Variants in MYO3B observed in about 807,000 individuals in gnomAD.
The protein encoded by MYO3B is myosin-IIIb.
A neutral mutation model predicts 174.6 loss-of-function variants in MYO3B; 156 were observed. The observed-to-expected ratio is 0.89, with a 90% CI of 0.78 to 1.02. MYO3B has a LOEUF of 1.02. Ranked by LOEUF, MYO3B falls within the 50% of genes least tolerant of loss-of-function variation. MYO3B has a pLI of 0.00. For missense variants in MYO3B, 1,632 were observed against 1,639.4 expected, an observed-to-expected ratio of 1.00 and a Z score of 0.08; for synonymous variants, 563 against 569.1, an observed-to-expected ratio of 0.99 and a Z score of 0.15.
chr2:170,565,094 T>C (rs1000802751), intron 32 of MYO3B, among the ~76,000 whole-genome samples: 5 of 152,198 alleles, frequency 3.3e-5, no homozygotes, highest in Admixed American at 1.3e-4. Flanking sequence ...CATGACTCCA[T>C]GCAAAAATGT....
In MYO3B at chr2:170,357,264, G is replaced by A. The variant is rs991486318; in HGVS notation, c.816-11958G>A. Among the ~76,000 whole-genome samples the A allele has an allele frequency of 1.4e-4, 21 of 150,146 alleles. No homozygotes were observed. The South Asian group carries it at 3.1e-3, about 22-fold the overall frequency. ...GGAGGTTGCAGTGAGCCAAGATCACGCCTTGCACTCCAGCCTGGGCAACAG... is the reference window on the plus strand; with the variant it reads ...GGAGGTTGCAGTGAGCCAAGATCACACCTTGCACTCCAGCCTGGGCAACAG... On this transcript the variant is annotated intron_variant, in intron 8 of 34. Coordinates refer to ENST00000408978, the MANE Select transcript of MYO3B (RefSeq NM_138995.5).
In MYO3B at chr2:170,236,127, A is replaced by C. The variant is rs777463647; in HGVS notation, c.740A>C (p.Lys247Thr). The change falls in exon 7 of 35, where the codon AAG becomes ACG. Residue 247 changes from lysine to threonine, a missense_variant. Transcript: ENST00000408978. ...ATGCATCCTGTGAAAACACTCTTTAAGATTCCAAGGTAAGACACAAGATGG... is the reference window on the plus strand; with the variant it reads ...ATGCATCCTGTGAAAACACTCTTTACGATTCCAAGGTAAGACACAAGATGG... ...FDMHPVKTLF[K>T]IPRNPPPTLL... 5 of 1,614,078 alleles carry C rather than the reference A, an allele frequency of 3.1e-6. No homozygotes were observed. The highest frequency in any genetic ancestry group is 3.3e-5 in the Admixed American group (2 of 60,008).
Position 170,652,114 on chromosome 2 carries a change from C to T in MYO3B, c.3847C>T (p.Leu1283=). Residue 1283 remains leucine, a synonymous_variant, in exon 34 of 35, where the codon CTA becomes TTA. Transcript: ENST00000408978. The stretch of plus-strand genomic sequence containing the variant: ...TTCTTGGCCCTCTCCACAGGGAACT[C>T]TAGAATATCAAGGGAGCAAGAGGAA... ...TMYYNQLNGT[L]EYQGSKRKPR... is the part of the protein sequence containing the mutation. The T allele has an allele frequency of 6.2e-7, 1 of 1,613,894 alleles. No homozygotes were observed. The highest frequency in any genetic ancestry group is 8.5e-7 in the Non-Finnish European group (1 of 1,179,958).
intron 28 of MYO3B, among the ~76,000 whole-genome samples, chr2:170,512,221 G>A (rs759807306): frequency 5.0e-5 from 6 of 120,250 alleles, no homozygotes; most frequent in African/African-American, 1.6e-4. Flanking sequence ...TTTCTTATAG[G>A]GCTGTAGAAA....
chr2:170,385,033 T>G (rs1019884004), intron 12 of MYO3B, among the ~76,000 whole-genome samples: 2 of 152,102 alleles, frequency 1.3e-5, no homozygotes, highest in African/African-American at 4.8e-5. Context: ...AGGAAAACAC[T>G]TTACTTACAT....
At chr2:170,381,978 G>T in intron 9 of MYO3B, 38 bp from the exon 10 acceptor site, 1 of 1,533,980 alleles carries the variant, frequency 6.5e-7, no homozygotes, top group Non-Finnish European at 9.0e-7. Context: ...TACATTATTT[G>T]CTGTCTTAAT....
At chr2:170,256,969 CA>C (rs2105342209) in intron 7 of MYO3B, among the ~76,000 whole-genome samples, 1 of 152,190 alleles carries the variant, frequency 6.6e-6, no homozygotes, top group East Asian at 1.9e-4. Flanking sequence ...TTAGATAAAA[CA>C]GACTTTAAAC....
chr2:170,404,516 A>G, intron 20 of MYO3B, 116 bp downstream of exon 20: 2 of 982,150 alleles, frequency 2.0e-6, no homozygotes, highest in Non-Finnish European at 2.9e-6. Flanking sequence ...GGTGGTTTGT[A>G]AGAATATAGG....
chr2:170,495,641 G>C (rs1553509151), intron 25 of MYO3B, among the ~76,000 whole-genome samples: 1 of 151,546 alleles, frequency 6.6e-6, no homozygotes, highest in Non-Finnish European at 1.5e-5. Flanking sequence ...TGGTGAACTG[G>C]AACATATCTT....
In MYO3B at chr2:170,219,992, C is replaced by T. The variant is rs372927234; in HGVS notation, c.603+2597C>T. ...AGGTGTTTGTGGCCGGGTGTGGTGG[C>T]TCATACCTGTAATCCCAGCACTTTG... On this transcript the variant is annotated intron_variant, in intron 6 of 34. Coordinates refer to ENST00000408978, the MANE Select transcript of MYO3B (RefSeq NM_138995.5). Among the ~76,000 whole-genome samples the T allele has an allele frequency of 2.3e-4, 35 of 152,310 alleles. No homozygotes were observed. The East Asian group carries it at 6.4e-3, about 28-fold the overall frequency.
At chr2:170,285,727 A>G (rs1001629145) in intron 7 of MYO3B, among the ~76,000 whole-genome samples, 1 of 151,904 alleles carries the variant, frequency 6.6e-6, no homozygotes. Context: ...TTTAATGTCA[A>G]ATTTCTCGAT....
At position 170,544,741 on chromosome 2, in the gene MYO3B, G is replaced by A. The variant is rs191268144; in HGVS notation, c.3733+753G>A. ...GGGAAATGCATAATAAATGTGTCAT[G>A]ACTTCAGTCTATATGGATCTTAAAC... On this transcript the variant is annotated intron_variant, in intron 32 of 34. Transcript: ENST00000408978. 3.0e-3 allele frequency among the ~76,000 whole-genome samples: 463 copies of A among 152,308 alleles called. 5 individuals carry two copies. Among genetic ancestry groups the A allele is most frequent in the Admixed American group, 0.028 (434 of 15,292 alleles).
chr2:170,347,134 G>C (rs2094022425), intron 8 of MYO3B, among the ~76,000 whole-genome samples: 1 of 152,196 alleles, frequency 6.6e-6, no homozygotes, highest in Non-Finnish European at 1.5e-5. Context: ...ATTTGGAGTT[G>C]TCTGTGTGAG....
chr2:170,265,232 A>AT (rs1489113107), intron 7 of MYO3B, among the ~76,000 whole-genome samples: 8 of 152,152 alleles, frequency 5.3e-5, no homozygotes, highest in African/African-American at 1.9e-4. Flanking sequence ...GCTCCTCTAG[A>AT]TTTTTAAGTC....
At chr2:170,288,184 A>G (rs1559361451) in intron 7 of MYO3B, among the ~76,000 whole-genome samples, 1 of 150,928 alleles carries the variant, frequency 6.6e-6, no homozygotes, top group Non-Finnish European at 1.5e-5. Context: ...CTTTTTGCTC[A>G]GGACTGATTT....
intron 4 of MYO3B, 120 bp from the exon 5 acceptor site, chr2:170,214,609 G>C: frequency 7.7e-7 from 1 of 1,295,794 alleles, no homozygotes; most frequent in East Asian, 2.3e-5. Flanking sequence ...ACAGCAGGAA[G>C]GTGTAGCCAA....
intron 23 of MYO3B, among the ~76,000 whole-genome samples, chr2:170,460,795 T>C (rs1370144537): frequency 6.6e-6 from 1 of 152,244 alleles, no homozygotes; most frequent in Non-Finnish European, 1.5e-5. Flanking sequence ...TCCAATTTGC[T>C]GTAGGGAACT....
intron 7 of MYO3B, among the ~76,000 whole-genome samples, chr2:170,298,698 G>T (rs113587693): frequency 0.014 from 1,799 of 130,650 alleles, 28 homozygotes; most frequent in South Asian, 0.056. Flanking sequence ...AAAAAAAAAA[G>T]AATTTCAAGC....
chr2:170,542,057 C>T (rs1690145858), intron 30 of MYO3B, among the ~76,000 whole-genome samples: 1 of 152,048 alleles, frequency 6.6e-6, no homozygotes, highest in Admixed American at 6.6e-5. Flanking sequence ...ATGAGGAAAA[C>T]TAGGACCCCG....
Sources: gnomAD v4.1 joint callset for allele counts (sites outside exome capture counted in the v4.1 genomes callset) on GRCh38, gnomAD v4.1.1 for gene constraint, MANE v1.5 for transcripts, NCBI Gene and HGNC (gene_info 2026-07-23, HGNC 2026-07-21) for gene names.